FIBP: variants seen among roughly 807,000 people sequenced by gnomAD.
The protein encoded by FIBP is acidic fibroblast growth factor intracellular-binding protein.
In FIBP, 29 loss-of-function variants were observed where a neutral mutation model predicts 40.5. The ratio of observed to expected loss-of-function variants is 0.72; its 90% CI spans 0.53 to 0.98. FIBP has a LOEUF of 0.98. Ranked by LOEUF, FIBP falls within the 50% of genes least tolerant of loss-of-function variation. The pLI is 0.00. For synonymous variants in FIBP, 215 were observed against 191.1 expected (o/e 1.13, Z -1.03); for missense variants, 411 against 470.2 (o/e 0.87, Z 1.16).
chr11:65,887,978 G>C lies in FIBP; in HGVS notation c.240C>G (p.Leu80=). 1 of 1,613,786 alleles carries C rather than the reference G, an allele frequency of 6.2e-7. No individual in the cohort carries two copies. ...GCCGGGAGGGCGGAATCTGGAAGAT[G>C]AGCTGGTGCAGTAGCTTGGGCGGCG... ...LHAPPKLLHQ[L]IFQIPPSRQA... The change falls in exon 2 of 10, where the codon CTC becomes CTG. Residue 80 remains leucine (L), a synonymous_variant. Transcript: ENST00000357519.
In FIBP at chr11:65,883,782, A is replaced by T; in HGVS notation, c.*192T>A. ...CTTCTGGTGGATGGGCTGAGCACAG[A>T]CACCATTCCCTGAGATATGTCTCAG... is the stretch of plus-strand genomic sequence containing the variant. On this transcript the variant is annotated 3_prime_UTR_variant, in exon 10 of 10. Transcript: ENST00000357519. 1.3e-6 allele frequency: 1 copy of T among 746,806 alleles called. No individual in the cohort carries two copies. The highest frequency in any genetic ancestry group is 2.2e-6 in the Non-Finnish European group (1 of 449,008). 46.3% of individuals were successfully genotyped at this position (746,806 alleles called of 1,614,324 possible). A position where few individuals can be genotyped will look rare whatever the true frequency, so the allele number is the denominator to read the frequency against.
chr11:65,888,358 G>T lies in FIBP; in HGVS notation c.61C>A (p.Arg21Ser). 6.4e-7 allele frequency: 1 copy of T among 1,559,582 alleles called. No individual in the cohort carries two copies. The highest frequency in any genetic ancestry group is 2.4e-5 in the East Asian group (1 of 41,600). The change falls in exon 1 of 10, where the codon CGC becomes AGC. Residue 21 changes from arginine to serine, a missense_variant. Coordinates refer to ENST00000357519, the MANE Select transcript of FIBP (RefSeq NM_004214.5). ...CCCGAGTAACCATCGAGCCAGAGGCGATACACGTCCTCGTCGATAAGGGTC... is the reference window on the plus strand; with the variant it reads ...CCCGAGTAACCATCGAGCCAGAGGCTATACACGTCCTCGTCGATAAGGGTC... Reference protein sequence around the residue: ...NTTLIDEDVYRLWLDGYSVTD... With the variant: ...NTTLIDEDVYSLWLDGYSVTD...
At chr11:65,888,262 C>T in intron 1 of FIBP, 72 bp downstream of exon 1, 2 of 1,495,824 alleles carry the variant, frequency 1.3e-6, no homozygotes, top group Non-Finnish European at 1.8e-6. Flanking sequence ...ATGCCCAAGT[C>T]TTAGCCCCGC....
At chr11:65,887,089 T>G in intron 3 of FIBP, 2 of 217,208 alleles carry the variant, frequency 9.2e-6, no homozygotes, top group East Asian at 1.3e-4. Context: ...TTATCAGGGG[T>G]CTGATAAAAT....
At position 65,888,365 on chromosome 11, in the gene FIBP, G is replaced by A; in HGVS notation, c.54C>T (p.Asp18=). 1 of 1,562,246 alleles carries A rather than the reference G, an allele frequency of 6.4e-7. No homozygotes were observed. The highest frequency in any genetic ancestry group is 1.2e-5 in the South Asian group (1 of 85,086). ...FVGNTTLIDE[D]VYRLWLDGYS... is the part of the protein sequence containing the mutation. ...AACCATCGAGCCAGAGGCGATACAC[G>A]TCCTCGTCGATAAGGGTCGTGTTCC... Residue 18 remains aspartate, a synonymous_variant, in exon 1 of 10, where the codon GAC becomes GAT. Transcript: ENST00000357519.
chr11:65,884,893 G>T, intron 7 of FIBP, 42 bp downstream of exon 7: 1 of 1,609,378 alleles, frequency 6.2e-7, no homozygotes, highest in East Asian at 2.2e-5. Context: ...CGAACTGGAG[G>T]CTGAAGATGC....
rs894929682 is a variant in FIBP at position 65,885,779 on chromosome 11, T to G, written c.513-116A>C. 6 of 1,006,978 alleles carry G rather than the reference T, an allele frequency of 6.0e-6. No individual in the cohort carries two copies. In the African/African-American group the frequency reaches 9.7e-5, roughly 16 times the overall value. The allele number at this position is 1,006,978 out of a possible 1,614,324, so 62.4% of individuals were successfully genotyped here. On this transcript the variant is annotated intron_variant, in intron 4 of 9. Coordinates refer to ENST00000357519, the MANE Select transcript of FIBP (RefSeq NM_004214.5). Reference sequence around the variant, plus strand: ...CTGGCCTCTCTCTGCCTCAAGTCACTGTGTGACGTGTCTCAAGTCACTTCT... The same window carrying G: ...CTGGCCTCTCTCTGCCTCAAGTCACGGTGTGACGTGTCTCAAGTCACTTCT...
At position 65,885,906 on chromosome 11, in the gene FIBP, C is replaced by T. The variant is rs143968056; in HGVS notation, c.513-243G>A. The T allele has an allele frequency of 1.5e-3, 777 of 506,286 alleles. 4 individuals carry two copies. The highest frequency in any genetic ancestry group is 0.013 in the African/African-American group (691 of 52,352). The allele number at this position is 506,286 out of a possible 1,614,324, so 31.4% of individuals were successfully genotyped here. A position where few individuals can be genotyped will look rare whatever the true frequency, so the allele number is the denominator to read the frequency against. On this transcript the variant is annotated intron_variant, in intron 4 of 9. Transcript: ENST00000357519. Reference sequence around the variant, plus strand: ...GGTAACAGTTACTATCTACTGAGCACTTCCTAAGTGCCAGGGCTGTGCCAT... The same window carrying T: ...GGTAACAGTTACTATCTACTGAGCATTTCCTAAGTGCCAGGGCTGTGCCAT...
At chr11:65,887,766 A>G in intron 2 of FIBP, 40 bp from the exon 3 acceptor site, 1 of 1,585,092 alleles carries the variant, frequency 6.3e-7, no homozygotes, top group Non-Finnish European at 8.6e-7. Flanking sequence ...TCCATAAAAG[A>G]CAGGAAAGGG....
Position 65,888,139 on chromosome 11 carries a change from A to G in FIBP, c.86-7T>C, listed in dbSNP as rs1235616489. On this transcript the variant is annotated splice_region_variant and splice_polypyrimidine_tract_variant and intron_variant, in intron 1 of 9. Transcript: ENST00000357519. ...AGGGCCACCGCGTCGGTCACTGGAA[A>G]GCGGACGCTAGCATCAGGCCCCGCC... 2 of 1,552,714 alleles carry G rather than the reference A, an allele frequency of 1.3e-6. No individual in the cohort carries two copies. The highest frequency in any genetic ancestry group is 1.9e-5 in the Admixed American group (1 of 52,786).
In FIBP at chr11:65,884,296, A is replaced by G. The variant is rs1054074263; in HGVS notation, c.1004+96T>C. 4 of 1,139,802 alleles carry G rather than the reference A, an allele frequency of 3.5e-6. No individual in the cohort carries two copies. The African/African-American group carries it at 6.1e-5, about 17-fold the overall frequency. 70.6% of individuals were successfully genotyped at this position (1,139,802 alleles called of 1,614,324 possible). A position where few individuals can be genotyped will look rare whatever the true frequency, so the allele number is the denominator to read the frequency against. Reference sequence around the variant, plus strand: ...GAGACTTTGGTCCCACCCCCAGGGTAGCAGAATGGGGAACCTTGAGTCTGC... The same window carrying G: ...GAGACTTTGGTCCCACCCCCAGGGTGGCAGAATGGGGAACCTTGAGTCTGC... On this transcript the variant is annotated intron_variant, in intron 9 of 9. Coordinates refer to ENST00000357519, the MANE Select transcript of FIBP (RefSeq NM_004214.5).
At chr11:65,887,058 G>A (rs924937733) in intron 3 of FIBP, 6 of 229,796 alleles carry the variant, frequency 2.6e-5, no homozygotes, top group Non-Finnish European at 5.2e-5. Flanking sequence ...TACCCAGGAG[G>A]CAGTGGGAGC....
intron 9 of FIBP, 123 bp from the exon 10 acceptor site, chr11:65,884,166 A>C (rs958932085): frequency 1.2e-6 from 1 of 856,892 alleles, no homozygotes; most frequent in Non-Finnish European, 1.9e-6. Context: ...AATTCTTCTC[A>C]TGATGAACCC....
intron 8 of FIBP, 35 bp downstream of exon 8, chr11:65,884,535 G>T: frequency 6.2e-7 from 1 of 1,613,978 alleles, no homozygotes; most frequent in South Asian, 1.1e-5. Context: ...GCCAGGGACA[G>T]ACCAGGTTGG....
chr11:65,885,294 A>AATGGAGTGTCAGAGAG (rs1860206704), intron 5 of FIBP, 108 bp from the exon 6 acceptor site: 4 of 1,025,704 alleles, frequency 3.9e-6, no homozygotes, highest in Non-Finnish European at 6.0e-6. Context: ...CAAAAGAGGA[A>AATGGAGTGTCAGAGAG]ATGGAGTGTC....
chr11:65,885,943 A>G (rs1860224251), intron 4 of FIBP: 1 of 458,124 alleles, frequency 2.2e-6, no homozygotes, highest in Non-Finnish European at 3.9e-6. Flanking sequence ...GGCTTTACAT[A>G]TGGTACCTCT....
intron 3 of FIBP, chr11:65,887,377 C>T: frequency 3.7e-6 from 2 of 546,304 alleles, no homozygotes; most frequent in East Asian, 3.4e-5. Flanking sequence ...ACCCAGGAGG[C>T]GGAGGTTGCA....
intron 5 of FIBP, 162 bp downstream of exon 5, chr11:65,885,368 G>A (rs1860208276): frequency 4.2e-6 from 4 of 955,816 alleles, no homozygotes; most frequent in Non-Finnish European, 6.4e-6. Flanking sequence ...TGCAGACAAG[G>A]TGTGTGTGGG....
Position 65,888,437 on chromosome 11 carries a change from A to T in FIBP, c.-19T>A, listed in dbSNP as rs772164352. 3 of 1,549,920 alleles carry T rather than the reference A, an allele frequency of 1.9e-6. No individual in the cohort carries two copies. Among genetic ancestry groups the T allele is most frequent in the Non-Finnish European group, 2.6e-6 (3 of 1,145,160 alleles). On this transcript the variant is annotated 5_prime_UTR_variant, in exon 1 of 10. Transcript: ENST00000357519. ...TGGTCATGGCGACGCCCGGGGCCGC[A>T]GCGCCCCGAGCAGGAGCGAGCACTG...
Sources: allele counts gnomAD v4.1 joint callset, GRCh38; gene constraint gnomAD v4.1.1; transcripts MANE v1.5; gene names NCBI Gene and HGNC (gene_info 2026-07-23, HGNC 2026-07-21).